Variants in DNAJB13 observed in about 807,000 individuals in gnomAD.
The protein encoded by DNAJB13 is dnaJ homolog subfamily B member 13.
A neutral mutation model predicts 35.6 loss-of-function variants in DNAJB13; 22 were observed. That is an observed-to-expected ratio of 0.62 (90% CI 0.44 to 0.88). The LOEUF is 0.88. Among genes scored for constraint, DNAJB13 ranks in the 40% least tolerant of loss-of-function variants. The pLI is 0.00. For missense variants in DNAJB13, 370 were observed against 384.3 expected (o/e 0.96, Z 0.31); for synonymous variants, 136 against 144.2 (o/e 0.94, Z 0.41).
chr11:73,959,454 C>T (rs1412217888), intron 2 of DNAJB13, 40 bp from the exon 3 acceptor site: 2 of 1,587,454 alleles, frequency 1.3e-6, no homozygotes, highest in Middle Eastern at 1.7e-4. Context: ...ATCTCAGCCC[C>T]CAAAGTTGGA....
At chr11:73,960,577 C>T (rs1230047484) in intron 3 of DNAJB13, among the ~76,000 whole-genome samples, 1 of 152,236 alleles carries the variant, frequency 6.6e-6, no homozygotes, top group African/African-American at 2.4e-5. Context: ...CCACCTCGGC[C>T]TCCCAAAGTG....
At chr11:73,965,169 G>A (rs2135333670) in intron 4 of DNAJB13, 134 bp downstream of exon 4, 2 of 1,026,576 alleles carry the variant, frequency 1.9e-6, no homozygotes, top group Non-Finnish European at 2.7e-6. Flanking sequence ...CAGAGACCTA[G>A]GATGTTAGAA....
At chr11:73,961,471 A>G (rs1950929837) in intron 3 of DNAJB13, among the ~76,000 whole-genome samples, 1 of 152,130 alleles carries the variant, frequency 6.6e-6, no homozygotes, top group Non-Finnish European at 1.5e-5. Flanking sequence ...CACACCATGA[A>G]TGTAGCTGCA....
chr11:73,958,416 T>G lies in DNAJB13; in HGVS notation c.168T>G (p.Ser56Arg). The change falls in exon 2 of 8, where the codon AGT becomes AGG. Residue 56 changes from serine to arginine, a missense_variant. Physicochemically the swap from Ser to Arg is moderately radical, Grantham distance 110. Transcript: ENST00000339764. The stretch of plus-strand genomic sequence containing the variant: ...TAGCAGAGGCCTACGACGTGCTGAG[T>G]GACCGTGAGTAGGTGTGGGGCTGAG... ...RQIAEAYDVL[S>R]DPMKRGIYDK... 1 of 1,613,990 alleles carries G rather than the reference T, an allele frequency of 6.2e-7. No individual in the cohort carries two copies. The highest frequency in any genetic ancestry group is 8.5e-7 in the Non-Finnish European group (1 of 1,179,924).
intron 1 of DNAJB13, among the ~76,000 whole-genome samples, chr11:73,955,475 A>AT (rs960497381): frequency 5.9e-5 from 9 of 151,886 alleles, no homozygotes; most frequent in African/African-American, 1.7e-4. Flanking sequence ...TGCCCGGCTA[A>AT]TTTTTTTATT....
rs562107965 is a variant in DNAJB13, at chr11:73,959,720, G to A, written c.334+65G>A. On this transcript the variant is annotated intron_variant, in intron 3 of 7. Transcript: ENST00000339764. ...GGACACTGCTATAAGTGATGTTTTC[G>A]TTGAGTAGTTTTGTTTTTATTTTTA... is the stretch of plus-strand genomic sequence containing the variant. 266 of 1,404,208 alleles carry A rather than the reference G, an allele frequency of 1.9e-4. No individual in the cohort carries two copies. In the African/African-American group the frequency reaches 2.2e-3, roughly 12 times the overall value. The allele number at this position is 1,404,208 out of a possible 1,614,324, so 87.0% of individuals were successfully genotyped here.
intron 1 of DNAJB13, among the ~76,000 whole-genome samples, chr11:73,953,456 C>G (rs527868694): frequency 1.3e-5 from 2 of 152,284 alleles, no homozygotes; most frequent in African/African-American, 4.8e-5. Context: ...ATTTCTGTCC[C>G]TTTTAAGGGC....
chr11:73,965,305 C>A, intron 4 of DNAJB13: 1 of 304,790 alleles, frequency 3.3e-6, no homozygotes, highest in Non-Finnish European at 6.1e-6. Flanking sequence ...TTCAGTTCAG[C>A]CCCATCCCCG....
Position 73,968,332 on chromosome 11 carries a change from G to A in DNAJB13, c.607-13G>A, listed in dbSNP as rs375445339. On this transcript the variant is annotated splice_polypyrimidine_tract_variant and intron_variant, in intron 5 of 7. Transcript: ENST00000339764. ...CAACTAGTCCTTGTCACCTTTTGGC[G>A]TCCCCTGCCCAGGGCCCCAACATCA... The A allele has an allele frequency of 1.5e-5, 25 of 1,613,266 alleles. No individual in the cohort carries two copies. Among genetic ancestry groups the A allele is most frequent in the African/African-American group, 6.7e-5 (5 of 74,880 alleles).
At chr11:73,963,360 AAAAAG>A (rs904610620) in intron 3 of DNAJB13, among the ~76,000 whole-genome samples, 13 of 151,962 alleles carry the variant, frequency 8.6e-5, no homozygotes, top group African/African-American at 3.1e-4. Context: ...AAAAAAAAGA[AAAAAG>A]AAAAAAAATG....
At chr11:73,962,853 C>T (rs1239214377) in intron 3 of DNAJB13, among the ~76,000 whole-genome samples, 2 of 152,196 alleles carry the variant, frequency 1.3e-5, no homozygotes, top group African/African-American at 4.8e-5. Context: ...AGACTGAAAA[C>T]AGCAAGGGGC....
chr11:73,951,304 AG>A (rs1187221036), intron 1 of DNAJB13, among the ~76,000 whole-genome samples, 167 bp downstream of exon 1: 10 of 152,176 alleles, frequency 6.6e-5, no homozygotes, highest in Non-Finnish European at 1.3e-4. Flanking sequence ...GTCAGGGCCC[AG>A]GTTGGAAATT....
intron 3 of DNAJB13, among the ~76,000 whole-genome samples, chr11:73,960,313 G>A (rs899318837): frequency 1.3e-5 from 2 of 152,046 alleles, no homozygotes; most frequent in Non-Finnish European, 2.9e-5. Context: ...TGAGTAGCTG[G>A]GATTACAGGC....
intron 3 of DNAJB13, chr11:73,964,571 G>A: frequency 8.9e-6 from 3 of 338,478 alleles, no homozygotes; most frequent in Non-Finnish European, 1.6e-5. Context: ...TAAGAGAGAC[G>A]GGGAAGCGTT....
chr11:73,970,087 GATGCTGCGCCAGGC>G lies in DNAJB13; in HGVS notation c.927_940del (p.Met309IlefsTer52). 6.2e-7 allele frequency: 1 copy of G among 1,609,486 alleles called. No individual in the cohort carries two copies. Among genetic ancestry groups the G allele is most frequent in the Non-Finnish European group, 8.5e-7 (1 of 1,177,734 alleles). Reference sequence around the variant, plus strand: ...CCCGCCTCACACCCCAGAAGAAGCAGATGCTGCGCCAGGCATTGCTGACATGACTGTGGTGGGCT... The same window carrying G: ...CCCGCCTCACACCCCAGAAGAAGCAGATTGCTGACATGACTGTGGTGGGCT... On this transcript the variant is annotated frameshift_variant, in exon 8 of 8. Transcript: ENST00000339764. LOFTEE classifies it high-confidence loss of function.
At position 73,964,684 on chromosome 11, in the gene DNAJB13, G is replaced by T. The variant is rs190261625; in HGVS notation, c.335-194G>T. The T allele has an allele frequency of 7.8e-4, 483 of 618,692 alleles. 4 individuals carry two copies. The African/African-American group carries it at 8.2e-3, about 11-fold the overall frequency. 38.3% of individuals were successfully genotyped at this position (618,692 alleles called of 1,614,324 possible). ...CAGTTGAAGACAGCTCCTTGGCTTG[G>T]CCAGTCTGAGAGGTGGTTATAGGAT... is the stretch of plus-strand genomic sequence containing the variant. On this transcript the variant is annotated intron_variant, in intron 3 of 7. Transcript: ENST00000339764.
intron 5 of DNAJB13, among the ~76,000 whole-genome samples, chr11:73,966,670 GTATTTATTTATT>G (rs567198522): frequency 0.031 from 4,657 of 151,622 alleles, 237 homozygotes; most frequent in African/African-American, 0.11. Flanking sequence ...ATTTATTTAT[GTATTTATTTATT>G]TATTTATTTT....
chr11:73,951,066 A>G lies in DNAJB13; in HGVS notation c.-4A>G. The G allele has an allele frequency of 6.2e-7, 1 of 1,613,988 alleles. No individual in the cohort carries two copies. Reference sequence around the variant, plus strand: ...TCCAGGGCCTGACTGCCAGCTAGCCAGCCATGGGCCAGGATTATTACTCTG... The same window carrying G: ...TCCAGGGCCTGACTGCCAGCTAGCCGGCCATGGGCCAGGATTATTACTCTG... On this transcript the variant is annotated 5_prime_UTR_variant, in exon 1 of 8. Coordinates refer to ENST00000339764, the MANE Select transcript of DNAJB13 (RefSeq NM_153614.4).
At chr11:73,955,685 G>C (rs1399237225) in intron 1 of DNAJB13, among the ~76,000 whole-genome samples, 1 of 152,136 alleles carries the variant, frequency 6.6e-6, no homozygotes, top group South Asian at 2.1e-4. Flanking sequence ...AAATTAGCCA[G>C]GTGTGGTGGT....
Sources: allele counts gnomAD v4.1 joint callset (sites outside exome capture counted in the v4.1 genomes callset), GRCh38; gene constraint gnomAD v4.1.1; transcripts MANE v1.5; gene names NCBI Gene and HGNC (gene_info 2026-07-23, HGNC 2026-07-21).